ECT2L: variants seen among roughly 807,000 people sequenced by gnomAD.
ECT2L encodes the protein epithelial cell transforming 2 like, also known as epithelial cell-transforming sequence 2 oncogene-like.
A neutral mutation model predicts 122.8 loss-of-function variants in ECT2L; 126 were observed. The observed-to-expected ratio is 1.03, with a 90% confidence interval of 0.89 to 1.19. The LOEUF (loss-of-function observed/expected upper bound fraction) is 1.19, where lower values mean the gene tolerates loss of function less well. Ranked by LOEUF, ECT2L falls within the 50% of genes most tolerant of loss-of-function variation. ECT2L has a pLI of 0.00. For missense variants in ECT2L, 1,012 were observed against 1,064.1 expected (o/e 0.95, Z 0.68); for synonymous variants, 385 against 381.8 (o/e 1.01, Z -0.10).
At chr6:138,831,657 AT>A (rs1159920764) in intron 4 of ECT2L, among the ~76,000 whole-genome samples, 1 of 152,138 alleles carries the variant, frequency 6.6e-6, no homozygotes, top group South Asian at 2.1e-4. Flanking sequence ...TATTTATTAG[AT>A]TTTTTTAAAA....
intron 11 of ECT2L, among the ~76,000 whole-genome samples, chr6:138,864,002 T>TAAA (rs1172466449): frequency 0.2 from 11,180 of 55,840 alleles, 2,753 homozygotes; most frequent in Non-Finnish European, 0.24. Context: ...TCTCCGTATT[T>TAAA]AAAAAAAAAA....
rs1255944186 is a variant in ECT2L at position 138,896,091 on chromosome 6, A to AGTTTTTTTT, written c.2415-4857_2415-4856insGTTTTTTTT. Among the ~76,000 whole-genome samples, 756 of 141,698 alleles carry AGTTTTTTTT rather than the reference A, an allele frequency of 5.3e-3. 14 individuals carry two copies. The highest frequency in any genetic ancestry group is 0.02 in the African/African-American group (712 of 35,914). The allele number at this position is 141,698 out of a possible 152,430, so 93.0% of individuals were successfully genotyped here. ...TCATAAACACTGATTTTCATTGCTG[A>AGTTTTTTTT]ATTTTTTTTTTTTTTTCCTTAATGA... On this transcript the variant is annotated intron_variant, in intron 20 of 21. Transcript: ENST00000541398.
At chr6:138,824,134 A>C (rs1235871970) in intron 4 of ECT2L, among the ~76,000 whole-genome samples, 2 of 152,176 alleles carry the variant, frequency 1.3e-5, no homozygotes, top group African/African-American at 4.8e-5. Flanking sequence ...TGATAAAATG[A>C]CACAGAACTG....
At chr6:138,842,743 G>C (rs2128389220) in intron 5 of ECT2L, among the ~76,000 whole-genome samples, 1 of 152,340 alleles carries the variant, frequency 6.6e-6, no homozygotes, top group East Asian at 1.9e-4. Flanking sequence ...CTGCACTCCA[G>C]CCTGGGCGAC....
chr6:138,871,741 G>A (rs1374687662), intron 13 of ECT2L, among the ~76,000 whole-genome samples: 1 of 152,058 alleles, frequency 6.6e-6, no homozygotes, highest in Non-Finnish European at 1.5e-5. Flanking sequence ...GGAGGTAGAG[G>A]TTGTAGTGAG....
intron 20 of ECT2L, among the ~76,000 whole-genome samples, chr6:138,892,743 T>C (rs1779074042): frequency 6.6e-6 from 1 of 152,202 alleles, no homozygotes; most frequent in Non-Finnish European, 1.5e-5. Context: ...TCTGCCCACC[T>C]TGGCTTCTCA....
At chr6:138,831,484 G>C (rs1329319768) in intron 4 of ECT2L, among the ~76,000 whole-genome samples, 2 of 152,108 alleles carry the variant, frequency 1.3e-5, no homozygotes, top group Non-Finnish European at 2.9e-5. Flanking sequence ...AGCTCCTCAG[G>C]GATGCTGCCT....
intron 9 of ECT2L, among the ~76,000 whole-genome samples, chr6:138,851,720 C>A (rs1393037187): frequency 1.3e-5 from 2 of 151,922 alleles, no homozygotes; most frequent in East Asian, 1.9e-4. Context: ...AAATACTATT[C>A]CCTTATCAAA....
intron 4 of ECT2L, among the ~76,000 whole-genome samples, chr6:138,821,870 C>T (rs6938729): frequency 0.069 from 10,577 of 152,228 alleles, 687 homozygotes; most frequent in East Asian, 0.27. Context: ...ATGGGGAGGC[C>T]GAAGAGGCTC....
chr6:138,809,314 C>G (rs927672418), intron 1 of ECT2L, among the ~76,000 whole-genome samples: 1 of 152,130 alleles, frequency 6.6e-6, no homozygotes, highest in Non-Finnish European at 1.5e-5. Context: ...GTAATCCCAG[C>G]ACTTTGGGAG....
At position 138,902,795 on chromosome 6, in the gene ECT2L, C is replaced by A; in HGVS notation, c.*168C>A. 1.3e-6 allele frequency: 1 copy of A among 781,300 alleles called. No individual in the cohort carries two copies. The highest frequency in any genetic ancestry group is 1.7e-5 in the South Asian group (1 of 59,780). 48.4% of individuals were successfully genotyped at this position (781,300 alleles called of 1,614,324 possible). A position where few individuals can be genotyped will look rare whatever the true frequency, so the allele number is the denominator to read the frequency against. ...CAACTTTTAAACTTTATCACTTGTG[C>A]TCACTTATGTAGAATGTATAAGTAC... On this transcript the variant is annotated 3_prime_UTR_variant, in exon 22 of 22. Coordinates refer to ENST00000541398, the MANE Select transcript of ECT2L (RefSeq NM_001077706.3).
chr6:138,806,961 AT>A (rs1168128730), intron 1 of ECT2L, among the ~76,000 whole-genome samples: 2 of 152,170 alleles, frequency 1.3e-5, no homozygotes, highest in Non-Finnish European at 2.9e-5. Flanking sequence ...AGAGAAAAAA[AT>A]GTTATTAAGA....
chr6:138,809,959 AT>A (rs911592521), intron 1 of ECT2L, among the ~76,000 whole-genome samples: 38 of 152,324 alleles, frequency 2.5e-4, no homozygotes, highest in Non-Finnish European at 4.4e-4. Flanking sequence ...AAAGATGGCA[AT>A]CTATGTGATG....
chr6:138,848,435 AG>A (rs1777309115), intron 8 of ECT2L, among the ~76,000 whole-genome samples: 1 of 152,176 alleles, frequency 6.6e-6, no homozygotes, highest in Non-Finnish European at 1.5e-5. Flanking sequence ...ATAAAAATAA[AG>A]GAAGCACAAA....
intron 20 of ECT2L, among the ~76,000 whole-genome samples, chr6:138,899,225 T>C (rs1447755153): frequency 6.6e-6 from 1 of 151,250 alleles, no homozygotes; most frequent in Non-Finnish European, 1.5e-5. Context: ...ACAAAGCAAA[T>C]GTCCATCAAA....
At chr6:138,827,795 T>A (rs1225304945) in intron 4 of ECT2L, among the ~76,000 whole-genome samples, 1 of 152,186 alleles carries the variant, frequency 6.6e-6, no homozygotes, top group Admixed American at 6.5e-5. Context: ...CTGACCTCAG[T>A]GATCCACCAG....
intron 12 of ECT2L, among the ~76,000 whole-genome samples, chr6:138,867,402 CG>C (rs1778084086): frequency 6.6e-6 from 1 of 151,896 alleles, no homozygotes; most frequent in South Asian, 2.1e-4. Context: ...GGGTCCAGTA[CG>C]GTGGCTCATG....
At chr6:138,865,988 T>C (rs1365862788) in intron 12 of ECT2L, among the ~76,000 whole-genome samples, 1 of 152,222 alleles carries the variant, frequency 6.6e-6, no homozygotes, top group Non-Finnish European at 1.5e-5. Flanking sequence ...CAAGTAGATA[T>C]CTGTCAATGT....
intron 4 of ECT2L, among the ~76,000 whole-genome samples, chr6:138,835,408 G>A (rs375307294): frequency 2.0e-5 from 3 of 152,088 alleles, no homozygotes; most frequent in African/African-American, 7.2e-5. Context: ...AAAATTAGCC[G>A]GGTATGGTGG....
Sources: gnomAD v4.1 joint callset for allele counts (sites outside exome capture counted in the v4.1 genomes callset) on GRCh38, gnomAD v4.1.1 for gene constraint, MANE v1.5 for transcripts, NCBI Gene and HGNC (gene_info 2026-07-23, HGNC 2026-07-21) for gene names.